SYT1: variants seen among roughly 807,000 people sequenced by gnomAD.
SYT1 encodes synaptotagmin-1.
In SYT1, 8 loss-of-function variants were observed where a neutral mutation model predicts 44.8. The ratio of observed to expected loss-of-function variants is 0.18; its 90% CI spans 0.10 to 0.32. The LOEUF (loss-of-function observed/expected upper bound fraction) is 0.32, where lower values mean the gene tolerates loss of function less well. Among genes scored for constraint, SYT1 ranks in the 10% least tolerant of loss-of-function variants. The probability of loss-of-function intolerance (pLI) is 1.00; values close to 1 mark genes in which losing one functional copy is unlikely to be tolerated. For missense variants in SYT1, 286 were observed against 509.3 expected (o/e 0.56, Z 4.22); for synonymous variants, 154 against 188.8 (o/e 0.82, Z 1.51).
intron 5 of SYT1, among the ~76,000 whole-genome samples, chr12:79,289,196 A>G (rs1277570437): frequency 1.3e-5 from 2 of 152,224 alleles, no homozygotes; most frequent in African/African-American, 2.4e-5. Context: ...AGCAAACCAT[A>G]TGCATGCGCA....
At chr12:79,274,562 G>T (rs944033652) in intron 4 of SYT1, among the ~76,000 whole-genome samples, 1 of 152,148 alleles carries the variant, frequency 6.6e-6, no homozygotes, top group Non-Finnish European at 1.5e-5. Context: ...TTGGGCAGCC[G>T]CAGCGCAAAC....
intron 3 of SYT1, among the ~76,000 whole-genome samples, chr12:79,143,683 T>G (rs1401606647): frequency 6.6e-6 from 1 of 152,234 alleles, no homozygotes; most frequent in Admixed American, 6.5e-5. Context: ...AACATTCTTT[T>G]TTTAATTTTT....
At chr12:79,334,348 A>G (rs1881992027) in intron 8 of SYT1, among the ~76,000 whole-genome samples, 1 of 152,164 alleles carries the variant, frequency 6.6e-6, no homozygotes. Context: ...TTAATGAAAG[A>G]GGGAGAAAGG....
intron 1 of SYT1, among the ~76,000 whole-genome samples, chr12:78,888,153 A>G (rs921067712): frequency 6.6e-6 from 1 of 151,902 alleles, no homozygotes; most frequent in African/African-American, 2.4e-5. Context: ...TAAGAAATTG[A>G]TAGTTTTTTT....
chr12:78,925,321 G>A (rs1185803593), intron 1 of SYT1, among the ~76,000 whole-genome samples: 2 of 151,876 alleles, frequency 1.3e-5, no homozygotes, highest in Non-Finnish European at 2.9e-5. Flanking sequence ...AGGAATCTGA[G>A]CAAAAGCTAC....
chr12:79,345,111 A>G (rs1882549278), intron 8 of SYT1, among the ~76,000 whole-genome samples: 1 of 152,000 alleles, frequency 6.6e-6, no homozygotes, highest in Non-Finnish European at 1.5e-5. Flanking sequence ...AGCTCAGGTA[A>G]CCGCTCCTCC....
At chr12:79,126,078 A>G (rs1294963950) in intron 3 of SYT1, among the ~76,000 whole-genome samples, 1 of 152,250 alleles carries the variant, frequency 6.6e-6, no homozygotes, top group African/African-American at 2.4e-5. Flanking sequence ...ATGGTAATGC[A>G]GTGATTACTG....
At chr12:78,974,467 T>G (rs1209200741) in intron 1 of SYT1, among the ~76,000 whole-genome samples, 1 of 152,050 alleles carries the variant, frequency 6.6e-6, no homozygotes, top group East Asian at 1.9e-4. Context: ...GATGGAGTCT[T>G]GCTCTGTCGC....
chr12:78,945,481 TA>T (rs1878604428), intron 1 of SYT1, among the ~76,000 whole-genome samples: 1 of 151,226 alleles, frequency 6.6e-6, no homozygotes, highest in Admixed American at 6.6e-5. Flanking sequence ...TATATATATA[TA>T]TATATACACA....
intron 1 of SYT1, chr12:78,955,541 CTA>C (rs1276979372): frequency 6.6e-6 from 1 of 152,088 alleles, no homozygotes; most frequent in African/African-American, 2.4e-5. Context: ...GTGGTAACTT[CTA>C]TATGTCTTCC....
Position 78,865,918 on chromosome 12 carries a change from C to CA in SYT1, c.-217+822dup, listed in dbSNP as rs35001234. On this transcript the variant is annotated intron_variant, in intron 1 of 10. Coordinates refer to ENST00000261205, the MANE Select transcript of SYT1 (RefSeq NM_005639.3). Reference sequence around the variant, plus strand: ...GAACTTTGAAAGCTTTCTTGAGTAACAAAAAAAAAAAAACAATTAAAATAG... The same window carrying CA: ...GAACTTTGAAAGCTTTCTTGAGTAACAAAAAAAAAAAAAACAATTAAAATAG... 8.7e-3 allele frequency among the ~76,000 whole-genome samples: 1,260 copies of CA among 144,760 alleles called. 2 individuals are homozygous for CA. Among genetic ancestry groups the CA allele is most frequent in the Non-Finnish European group, 0.011 (740 of 65,612 alleles). The allele number at this position is 144,760 out of a possible 152,430, so 95.0% of individuals were successfully genotyped here.
At chr12:79,333,890 T>C (rs1335099802) in intron 8 of SYT1, among the ~76,000 whole-genome samples, 1 of 152,228 alleles carries the variant, frequency 6.6e-6, no homozygotes, top group Non-Finnish European at 1.5e-5. Flanking sequence ...CTATTCATTT[T>C]TCTCAAATTG....
chr12:79,003,074 T>C (rs901670827), intron 2 of SYT1, among the ~76,000 whole-genome samples: 4 of 151,998 alleles, frequency 2.6e-5, no homozygotes, highest in Non-Finnish European at 5.9e-5. Context: ...AATGAGAAAG[T>C]ACAGCATCCC....
At chr12:78,904,042 A>G (rs899204274) in intron 1 of SYT1, among the ~76,000 whole-genome samples, 1 of 152,014 alleles carries the variant, frequency 6.6e-6, no homozygotes, top group African/African-American at 2.4e-5. Context: ...TAAGAAAAAT[A>G]ATAATTTAAA....
intron 9 of SYT1, among the ~76,000 whole-genome samples, chr12:79,436,976 C>G (rs1283280437): frequency 1.3e-5 from 2 of 152,090 alleles, no homozygotes; most frequent in Non-Finnish European, 2.9e-5. Flanking sequence ...CTGAGGAAAT[C>G]ATTAGTAAAA....
At position 79,414,102 on chromosome 12, in the gene SYT1, A is replaced by G. The variant is rs562223090; in HGVS notation, c.929-29971A>G. ...ATTATTGGGGTTTGCCCATCCTCCA[A>G]TTGTCTTGCTGAAGTCTATTTTTCT... On this transcript the variant is annotated intron_variant, in intron 9 of 10. Transcript: ENST00000261205. 3.9e-4 allele frequency among the ~76,000 whole-genome samples: 59 copies of G among 152,274 alleles called. 1 individual carries two copies. In the South Asian group the frequency reaches 0.011, roughly 29 times the overall value.
intron 3 of SYT1, among the ~76,000 whole-genome samples, chr12:79,084,264 A>G (rs1877231058): frequency 6.6e-6 from 1 of 152,170 alleles, no homozygotes; most frequent in South Asian, 2.1e-4. Context: ...ATGTTGATGG[A>G]CACATAGTTT....
At chr12:79,376,153 C>T (rs937380182) in intron 9 of SYT1, among the ~76,000 whole-genome samples, 4 of 152,136 alleles carry the variant, frequency 2.6e-5, no homozygotes, top group African/African-American at 7.2e-5. Context: ...GAAAGGGGTC[C>T]CAATCCAGAC....
chr12:79,181,854 C>T (rs1872567317), intron 3 of SYT1, among the ~76,000 whole-genome samples: 1 of 152,030 alleles, frequency 6.6e-6, no homozygotes, highest in South Asian at 2.1e-4. Flanking sequence ...TTCTATCATC[C>T]CTTTTCCAGA....
Sources: allele counts gnomAD v4.1 joint callset (sites outside exome capture counted in the v4.1 genomes callset), GRCh38; gene constraint gnomAD v4.1.1; transcripts MANE v1.5; gene names NCBI Gene and HGNC (gene_info 2026-07-23, HGNC 2026-07-21).